The following LRP2 variants were observed in gnomAD, a reference collection of about 807,000 sequenced individuals.
LRP2 encodes the protein LDL receptor related protein 2, also known as low-density lipoprotein receptor-related protein 2.
A neutral mutation model predicts 531.0 loss-of-function variants in LRP2; 172 were observed. That is an observed-to-expected ratio of 0.32 (90% CI 0.29 to 0.37). The LOEUF (loss-of-function observed/expected upper bound fraction) is 0.37. LRP2 is among the 10% of genes least tolerant of loss of function. LRP2 has a pLI of 1.00. For synonymous variants in LRP2, 1,992 were observed against 2,027.6 expected (o/e 0.98, Z 0.47); for missense variants, 5,167 against 5,868.3 (o/e 0.88, Z 3.90).
intron 68 of LRP2, among the ~76,000 whole-genome samples, chr2:169,150,197 G>A (rs908695735): frequency 3.9e-5 from 6 of 152,154 alleles, no homozygotes; most frequent in African/African-American, 1.4e-4. Flanking sequence ...TACAAATACT[G>A]GCATATCTAC....
At chr2:169,308,848 A>ACT (rs1370758149) in intron 3 of LRP2, among the ~76,000 whole-genome samples, 1 of 152,118 alleles carries the variant, frequency 6.6e-6, no homozygotes, top group East Asian at 1.9e-4. Flanking sequence ...AACAGTGTAA[A>ACT]AGTGTTCCTA....
rs11324299 is a variant in LRP2, at chr2:169,324,630, GAA to G, written c.80-3748_80-3747del. ...CCTCATAAAGAGCCCAAAGCTAGGGGAAAAAAAAAAAAAAAGAGTAATCCTTT... is the reference window on the plus strand; with the variant it reads ...CCTCATAAAGAGCCCAAAGCTAGGGGAAAAAAAAAAAAAGAGTAATCCTTT... On this transcript the variant is annotated intron_variant, in intron 1 of 78. Transcript: ENST00000649046. Among the ~76,000 whole-genome samples, 142 of 141,540 alleles carry G rather than the reference GAA, an allele frequency of 1.0e-3. No individual in the cohort carries two copies. The Middle Eastern group carries it at 0.018, about 18-fold the overall frequency. 92.9% of individuals were successfully genotyped at this position (141,540 alleles called of 152,430 possible). A position where few individuals can be genotyped will look rare whatever the true frequency, so the allele number is the denominator to read the frequency against.
chr2:169,342,908 T>C (rs1685603972), intron 1 of LRP2, among the ~76,000 whole-genome samples: 1 of 152,230 alleles, frequency 6.6e-6, no homozygotes. Context: ...CTTTCTGTAG[T>C]TTCATGAAAT....
intron 1 of LRP2, among the ~76,000 whole-genome samples, chr2:169,348,624 A>C (rs1685759553): frequency 6.6e-6 from 1 of 152,184 alleles, no homozygotes; most frequent in African/African-American, 2.4e-5. Context: ...GAAGTCTAAA[A>C]ACTTTGGCTT....
At chr2:169,287,360 A>G (rs1405025722) in intron 9 of LRP2, among the ~76,000 whole-genome samples, 10 of 152,210 alleles carry the variant, frequency 6.6e-5, no homozygotes, top group Admixed American at 6.5e-5. Flanking sequence ...TGTTGAATAT[A>G]GTTACTTAAG....
At chr2:169,236,198 C>G in intron 28 of LRP2, 130 bp from the exon 29 acceptor site, 1 of 764,032 alleles carries the variant, frequency 1.3e-6, no homozygotes, top group African/African-American at 1.7e-5. Context: ...AGAATATATT[C>G]ACAGAGTTTA....
chr2:169,152,980 CA>C lies in LRP2; in HGVS notation c.12296-17del, dbSNP rs781739875. On this transcript the variant is annotated splice_polypyrimidine_tract_variant and intron_variant, in intron 66 of 78. Transcript: ENST00000649046. ...TACACAACACCTACAGAGGAAGACACACAGGTCAGTTTCATGTCAAGAGCAT... is the reference window on the plus strand; with the variant it reads ...TACACAACACCTACAGAGGAAGACACCAGGTCAGTTTCATGTCAAGAGCAT... 22 of 1,612,930 alleles carry C rather than the reference CA, an allele frequency of 1.4e-5. No homozygotes were observed. Among genetic ancestry groups the C allele is most frequent in the Non-Finnish European group, 6.8e-6 (8 of 1,179,696 alleles).
intron 1 of LRP2, among the ~76,000 whole-genome samples, chr2:169,336,386 A>G (rs1014408363): frequency 6.6e-6 from 1 of 151,886 alleles, no homozygotes; most frequent in Non-Finnish European, 1.5e-5. Flanking sequence ...GAAAATACAA[A>G]AAAATTAGCC....
At chr2:169,312,852 G>T (rs187835889) in intron 3 of LRP2, among the ~76,000 whole-genome samples, 1 of 152,324 alleles carries the variant, frequency 6.6e-6, no homozygotes, top group East Asian at 1.9e-4. Context: ...ATCAGACGTA[G>T]ATTTGGTCGT....
intron 33 of LRP2, among the ~76,000 whole-genome samples, chr2:169,223,581 G>T (rs956396688): frequency 6.6e-6 from 1 of 152,168 alleles, no homozygotes; most frequent in African/African-American, 2.4e-5. Context: ...CACTGTCAAA[G>T]AGGGTTAAAC....
At position 169,279,390 on chromosome 2, in the gene LRP2, G is replaced by A; in HGVS notation, c.1547C>T (p.Ala516Val). The A allele has an allele frequency of 1.2e-6, 2 of 1,613,618 alleles. No individual in the cohort carries two copies. Among genetic ancestry groups the A allele is most frequent in the East Asian group, 2.2e-5 (1 of 44,862 alleles). ...CACTTACCCAACAGTTGGGTCCACG[G>A]CAATTCCTCTAGGATGCCCCAAGTT... ...TENLGHPRGI[A>V]VDPTVGYLFF... is the part of the protein sequence containing the mutation. The change falls in exon 12 of 79, where the codon GCC becomes GTC. Residue 516 changes from alanine (A) to valine (V), a missense_variant. This residue lies in a region of LRP2 where 2,811 missense variants were observed against 3,058.0 expected (regional missense o/e 0.92). Coordinates refer to ENST00000649046, the MANE Select transcript of LRP2 (RefSeq NM_004525.3).
intron 68 of LRP2, among the ~76,000 whole-genome samples, chr2:169,148,637 ATT>A (rs1686009202): frequency 1.3e-5 from 2 of 152,158 alleles, no homozygotes; most frequent in South Asian, 4.1e-4. Context: ...ATATAAGTAA[ATT>A]AATTAATTCA....
rs1034403450 is a variant in LRP2 at position 169,270,851 on chromosome 2, T to A, written c.2320+53A>T. Reference sequence around the variant, plus strand: ...TATCAAGTTGTAAGTATCATTACAATAAACAGGCAAAACACGCATACACAC... The same window carrying A: ...TATCAAGTTGTAAGTATCATTACAAAAAACAGGCAAAACACGCATACACAC... On this transcript the variant is annotated intron_variant, in intron 16 of 78. Transcript: ENST00000649046. 1.2e-5 allele frequency: 17 copies of A among 1,374,784 alleles called. No homozygotes were observed. The African/African-American group carries it at 2.1e-4, about 17-fold the overall frequency. 85.2% of individuals were successfully genotyped at this position (1,374,784 alleles called of 1,614,324 possible). A position where few individuals can be genotyped will look rare whatever the true frequency, so the allele number is the denominator to read the frequency against.
intron 33 of LRP2, among the ~76,000 whole-genome samples, chr2:169,221,090 C>G (rs947331397): frequency 6.6e-6 from 1 of 152,112 alleles, no homozygotes; most frequent in South Asian, 2.1e-4. Context: ...CTCTGCCCTG[C>G]CAGGTCCTGA....
chr2:169,355,716 A>C (rs79257352), intron 1 of LRP2, among the ~76,000 whole-genome samples: 3,729 of 152,352 alleles, frequency 0.024, 52 homozygotes, highest in Middle Eastern at 0.034. Context: ...CATGTTTAAG[A>C]ATGGAGTCAT....
chr2:169,321,007 G>A (rs1281757584), intron 1 of LRP2, 123 bp from the exon 2 acceptor site: 2 of 709,374 alleles, frequency 2.8e-6, no homozygotes, highest in East Asian at 5.4e-5. Context: ...ATGCAAATTA[G>A]AAAATTAGGT....
chr2:169,314,878 T>C (rs889616087), intron 3 of LRP2, among the ~76,000 whole-genome samples: 1 of 152,214 alleles, frequency 6.6e-6, no homozygotes, highest in Non-Finnish European at 1.5e-5. Flanking sequence ...TATTTAAGTA[T>C]ATATTGCCAA....
At position 169,204,128 on chromosome 2, in the gene LRP2, T is replaced by A; in HGVS notation, c.7859A>T (p.Lys2620Ile). 1 of 1,614,200 alleles carries A rather than the reference T, an allele frequency of 6.2e-7. No homozygotes were observed. Among genetic ancestry groups the A allele is most frequent in the Non-Finnish European group, 8.5e-7 (1 of 1,180,032 alleles). The change falls in exon 42 of 79, where the codon AAA becomes ATA. Residue 2620 changes from lysine (K) to isoleucine (I), a missense_variant. This residue lies in a region of LRP2 where 1,129 missense variants were observed against 1,362.7 expected (regional missense o/e 0.83). Coordinates refer to ENST00000649046, the MANE Select transcript of LRP2 (RefSeq NM_004525.3). ...TGCAATCTGACCTGACCCGTCATAT[T>A]TGTTAGCTCGGTAAATTCTTTGTGT... ...LYTQRIYRANKYDGSGQIAMT... is the reference protein window; with the variant it reads ...LYTQRIYRANIYDGSGQIAMT...
chr2:169,130,803 T>C (rs997587821), intron 77 of LRP2, among the ~76,000 whole-genome samples: 1 of 152,080 alleles, frequency 6.6e-6, no homozygotes, highest in Non-Finnish European at 1.5e-5. Flanking sequence ...GCCTCACTAA[T>C]GTAAAAAAGT....
Sources: gnomAD v4.1 joint callset for allele counts (sites outside exome capture counted in the v4.1 genomes callset) on GRCh38, gnomAD v4.1.1 for gene constraint, gnomAD v4.1.1 regional missense constraint, MANE v1.5 for transcripts, NCBI Gene and HGNC (gene_info 2026-07-23, HGNC 2026-07-21) for gene names.